DHRSX: variants seen among roughly 807,000 people sequenced by gnomAD.
DHRSX encodes the protein polyprenol dehydrogenase.
Under a neutral mutation model 34.0 loss-of-function variants are expected in DHRSX, and 31 were observed. The observed-to-expected ratio is 0.91, with a 90% CI of 0.69 to 1.23. The LOEUF (loss-of-function observed/expected upper bound fraction) is 1.23, where lower values mean the gene tolerates loss of function less well. Ranked by LOEUF, DHRSX falls within the 50% of genes most tolerant of loss-of-function variation. The probability of loss-of-function intolerance (pLI) is 0.00; values close to 1 mark genes in which losing one functional copy is unlikely to be tolerated. For missense variants in DHRSX, 414 were observed against 428.1 expected, an observed-to-expected ratio of 0.97 and a Z score of 0.29; for synonymous variants, 201 against 183.8, an observed-to-expected ratio of 1.09 and a Z score of -0.76.
In DHRSX at chrX:2,489,496, G is replaced by A. The variant is rs202124689; in HGVS notation, c.109+11321C>T. 575 of 1,613,424 alleles carry A rather than the reference G, an allele frequency of 3.6e-4. 3 individuals carry two copies. The highest frequency in any genetic ancestry group is 4.0e-4 in the Non-Finnish European group (474 of 1,179,830). ...GGTACCTGGAGGCCGACAGCATCTC[G>A]GCCACCTGCTTGAAGGGCTGCAGGA... On this transcript the variant is annotated intron_variant, in intron 1 of 6. Transcript: ENST00000334651.
intron 3 of DHRSX, among the ~76,000 whole-genome samples, chrX:2,356,066 C>CAA (rs33996876): frequency 0.2 from 21,942 of 111,710 alleles, 2,069 homozygotes; most frequent in Admixed American, 0.24. Flanking sequence ...GACTCCGTCT[C>CAA]AAAAAAAAAA....
chrX:2,322,476 G>A (rs2042323516), intron 3 of DHRSX, among the ~76,000 whole-genome samples: 1 of 151,106 alleles, frequency 6.6e-6, no homozygotes, highest in African/African-American at 2.4e-5. Flanking sequence ...TTGAACGTGG[G>A]AGGCGTAGGC....
chrX:2,377,033 A>T (rs1186357636), intron 3 of DHRSX, among the ~76,000 whole-genome samples: 4 of 151,616 alleles, frequency 2.6e-5, no homozygotes, highest in African/African-American at 9.7e-5. Context: ...TGTGGCATAG[A>T]GACACAGAGA....
chrX:2,459,318 G>A (rs1232471134), intron 1 of DHRSX, among the ~76,000 whole-genome samples: 2 of 151,474 alleles, frequency 1.3e-5, no homozygotes, highest in Non-Finnish European at 2.9e-5. Flanking sequence ...ATATAGGTTA[G>A]AGTTAGGGTT....
intron 3 of DHRSX, among the ~76,000 whole-genome samples, chrX:2,312,805 G>C (rs898950198): frequency 5.3e-5 from 8 of 152,042 alleles, no homozygotes; most frequent in African/African-American, 1.7e-4. Context: ...ACTGAACTCT[G>C]ATCCCTGTTC....
At chrX:2,445,236 T>A (rs1404699904) in intron 1 of DHRSX, among the ~76,000 whole-genome samples, 2 of 152,140 alleles carry the variant, frequency 1.3e-5, no homozygotes, top group Non-Finnish European at 1.5e-5. Flanking sequence ...AAACAACTTT[T>A]AGGCAATTTC....
chrX:2,372,579 G>A (rs893264506), intron 3 of DHRSX, among the ~76,000 whole-genome samples: 3 of 151,178 alleles, frequency 2.0e-5, no homozygotes, highest in African/African-American at 7.3e-5. Context: ...GTTTGAAAGG[G>A]AGAGGTTGGT....
intron 3 of DHRSX, among the ~76,000 whole-genome samples, chrX:2,294,404 T>C (rs2041905165): frequency 6.6e-6 from 1 of 152,014 alleles, no homozygotes; most frequent in Non-Finnish European, 1.5e-5. Flanking sequence ...ATTAGCCAGC[T>C]GTGGTGGTGC....
rs1172399916 is a variant in DHRSX, at chrX:2,393,554, C to T, written c.286+15191G>A. Among the ~76,000 whole-genome samples the T allele has an allele frequency of 1.3e-3, 185 of 141,752 alleles. 2 individuals carry two copies. Among genetic ancestry groups the T allele is most frequent in the Middle Eastern group, 7.4e-3 (2 of 272 alleles). 93.0% of individuals were successfully genotyped at this position (141,752 alleles called of 152,430 possible). A position where few individuals can be genotyped will look rare whatever the true frequency, so the allele number is the denominator to read the frequency against. On this transcript the variant is annotated intron_variant, in intron 3 of 6. Coordinates refer to ENST00000334651, the MANE Select transcript of DHRSX (RefSeq NM_145177.3). ...CGACACACAGGGACCTCCCTGTCTCCGGCGCACACAGGACACCCAGGGACC... is the reference window on the plus strand; with the variant it reads ...CGACACACAGGGACCTCCCTGTCTCTGGCGCACACAGGACACCCAGGGACC...
chrX:2,336,871 C>G (rs113537943), intron 3 of DHRSX, among the ~76,000 whole-genome samples: 5,570 of 151,754 alleles, frequency 0.037, 344 homozygotes, highest in African/African-American at 0.13. Flanking sequence ...ATTTATTTTA[C>G]TTTAAGTTGC....
intron 1 of DHRSX, chrX:2,490,260 T>G (rs1378869049): frequency 6.2e-7 from 1 of 1,613,712 alleles, no homozygotes; most frequent in Non-Finnish European, 8.5e-7. Flanking sequence ...TCGGCCGTCT[T>G]CAGCAGCACC....
intron 2 of DHRSX, 131 bp from the exon 3 acceptor site, chrX:2,408,944 T>C (rs1203772883): frequency 1.1e-5 from 9 of 788,826 alleles, no homozygotes; most frequent in Admixed American, 5.6e-5. Context: ...GGACTTTCCC[T>C]TTATCCTAGC....
In DHRSX at chrX:2,231,608, TATTCTC is replaced by T. The variant is rs1166142404; in HGVS notation, c.805-10385_805-10380del. ...GTATCCTCCTTTTTCTTTTTTCCCT[TATTCTC>T]CTTTCCCATCTCTTTCTCCCTTTCT... On this transcript the variant is annotated intron_variant, in intron 6 of 6. Transcript: ENST00000334651. 4.9e-4 allele frequency among the ~76,000 whole-genome samples: 20 copies of T among 40,940 alleles called. No individual in the cohort carries two copies. In the East Asian group the frequency reaches 0.027, roughly 56 times the overall value. 26.9% of individuals were successfully genotyped at this position (40,940 alleles called of 152,430 possible). A position where few individuals can be genotyped will look rare whatever the true frequency, so the allele number is the denominator to read the frequency against.
intron 3 of DHRSX, among the ~76,000 whole-genome samples, chrX:2,359,226 T>C (rs995426421): frequency 1.3e-5 from 2 of 152,100 alleles, no homozygotes; most frequent in African/African-American, 4.8e-5. Context: ...GAAATATCAT[T>C]CCACTCAGCA....
At chrX:2,343,799 G>A (rs2042668908) in intron 3 of DHRSX, among the ~76,000 whole-genome samples, 1 of 152,138 alleles carries the variant, frequency 6.6e-6, no homozygotes, top group South Asian at 2.1e-4. Context: ...ATGTTACGTT[G>A]TTTGATGTAG....
At position 2,245,961 on chromosome X, in the gene DHRSX, C is replaced by CAAA. The variant is rs1349755698; in HGVS notation, c.597-2734_597-2732dup. ...TGGGCAAGAGAGTGAGACTCCATCT[C>CAAA]AAAAAAAACAAAAAAACAAAAAAAC... On this transcript the variant is annotated intron_variant, in intron 5 of 6. Transcript: ENST00000334651. 5.5e-3 allele frequency among the ~76,000 whole-genome samples: 325 copies of CAAA among 59,212 alleles called. 4 individuals are homozygous for CAAA. Among genetic ancestry groups the CAAA allele is most frequent in the Non-Finnish European group, 7.3e-3 (236 of 32,458 alleles). 38.8% of individuals were successfully genotyped at this position (59,212 alleles called of 152,430 possible). A position where few individuals can be genotyped will look rare whatever the true frequency, so the allele number is the denominator to read the frequency against.
intron 3 of DHRSX, among the ~76,000 whole-genome samples, chrX:2,395,477 C>A: frequency 6.6e-6 from 1 of 152,090 alleles, no homozygotes; most frequent in South Asian, 2.1e-4. Flanking sequence ...CTCCCTTTTT[C>A]CCATAGAGAG....
Position 2,497,012 on chromosome X carries a change from A to G in DHRSX, c.109+3805T>C, listed in dbSNP as rs760386975. The stretch of plus-strand genomic sequence containing the variant: ...AAATATGTTTTAAATTTCTGTTTTA[A>G]TGTCTAACAGGATGACTTATTGACT... On this transcript the variant is annotated intron_variant, in intron 1 of 6. Coordinates refer to ENST00000334651, the MANE Select transcript of DHRSX (RefSeq NM_145177.3). 3.2e-3 allele frequency among the ~76,000 whole-genome samples: 480 copies of G among 152,188 alleles called. 2 individuals carry two copies. The highest frequency in any genetic ancestry group is 0.011 in the African/African-American group (466 of 41,558).
chrX:2,483,012 C>G (rs1273421410), intron 1 of DHRSX, among the ~76,000 whole-genome samples: 1 of 152,122 alleles, frequency 6.6e-6, no homozygotes, highest in Non-Finnish European at 1.5e-5. Context: ...CCTACTAGCT[C>G]ACGTAAATTA....
Sources: allele counts gnomAD v4.1 joint callset (sites outside exome capture counted in the v4.1 genomes callset), GRCh38; gene constraint gnomAD v4.1.1; transcripts MANE v1.5; gene names NCBI Gene and HGNC (gene_info 2026-07-23, HGNC 2026-07-21).